The following FBXL17 variants were observed in gnomAD, a reference collection of about 807,000 sequenced individuals.
The protein encoded by FBXL17 is F-box and leucine rich repeat protein 17.
Under a neutral mutation model 66.2 loss-of-function variants are expected in FBXL17, and 22 were observed. The ratio of observed to expected loss-of-function variants is 0.33; its 90% CI spans 0.24 to 0.47. The LOEUF (loss-of-function observed/expected upper bound fraction) is 0.47. Ranked by LOEUF, FBXL17 falls within the 20% of genes least tolerant of loss-of-function variation. The probability of loss-of-function intolerance (pLI) is 1.00; values close to 1 mark genes in which losing one functional copy is unlikely to be tolerated. For missense variants in FBXL17, 878 were observed against 948.2 expected, an observed-to-expected ratio of 0.93 and a Z score of 0.97; for synonymous variants, 474 against 400.5, an observed-to-expected ratio of 1.18 and a Z score of -2.19.
intron 6 of FBXL17, among the ~76,000 whole-genome samples, chr5:108,041,619 T>C (rs1299486382): frequency 1.3e-5 from 2 of 152,028 alleles, no homozygotes; most frequent in African/African-American, 2.4e-5. Context: ...GGTCTCACTA[T>C]GTTGGCCAGG....
At chr5:108,295,983 C>T (rs1292585314) in intron 4 of FBXL17, among the ~76,000 whole-genome samples, 1 of 147,190 alleles carries the variant, frequency 6.8e-6, no homozygotes, top group Non-Finnish European at 1.5e-5. Context: ...AAAAAAAAAC[C>T]TTTCAGTGCT....
intron 4 of FBXL17, among the ~76,000 whole-genome samples, chr5:108,264,955 T>C (rs1455251502): frequency 7.2e-5 from 11 of 151,974 alleles, no homozygotes; most frequent in Admixed American, 7.2e-4. Flanking sequence ...TAAATTTTTA[T>C]TGGCATTGTC....
In FBXL17 at chr5:107,955,069, T is replaced by C. The variant is rs183954369; in HGVS notation, c.1822+65856A>G. On this transcript the variant is annotated intron_variant, in intron 7 of 8. Transcript: ENST00000542267. ...AACTTCAAGGAAAGAAAATGATCAG[T>C]TTTAATTATAAAACAATTTCTTAGA... is the stretch of plus-strand genomic sequence containing the variant. Among the ~76,000 whole-genome samples, 14 of 152,212 alleles carry C rather than the reference T, an allele frequency of 9.2e-5. No individual in the cohort carries two copies. The East Asian group carries it at 2.7e-3, about 29-fold the overall frequency.
At chr5:108,208,793 G>A (rs1754239519) in intron 5 of FBXL17, among the ~76,000 whole-genome samples, 1 of 152,124 alleles carries the variant, frequency 6.6e-6, no homozygotes, top group Non-Finnish European at 1.5e-5. Flanking sequence ...TGGCTATAAG[G>A]GCTCTTTTTT....
At position 108,219,099 on chromosome 5, in the gene FBXL17, T is replaced by C. The variant is rs187590683; in HGVS notation, c.1614+5022A>G. Among the ~76,000 whole-genome samples the C allele has an allele frequency of 2.8e-4, 43 of 152,352 alleles. No individual in the cohort carries two copies. The South Asian group carries it at 7.1e-3, about 25-fold the overall frequency. The stretch of plus-strand genomic sequence containing the variant: ...CTATATTCATGAAAGATAGTGATGT[T>C]CAATTTTCTTCACTTAGAGTGTCTT... On this transcript the variant is annotated intron_variant, in intron 5 of 8. Coordinates refer to ENST00000542267, the MANE Select transcript of FBXL17 (RefSeq NM_001163315.3).
intron 7 of FBXL17, among the ~76,000 whole-genome samples, chr5:107,935,336 G>C (rs1474038401): frequency 1.3e-5 from 2 of 151,632 alleles, no homozygotes; most frequent in Non-Finnish European, 2.9e-5. Flanking sequence ...ACACACCAAA[G>C]AAAACAAATG....
chr5:108,033,586 T>G (rs1024783652), intron 6 of FBXL17, among the ~76,000 whole-genome samples: 1 of 152,194 alleles, frequency 6.6e-6, no homozygotes, highest in Non-Finnish European at 1.5e-5. Flanking sequence ...ATCCATTTTC[T>G]TTTGTGAGTA....
intron 4 of FBXL17, among the ~76,000 whole-genome samples, chr5:108,313,388 C>T (rs955265385): frequency 6.6e-5 from 10 of 152,076 alleles, no homozygotes; most frequent in Admixed American, 6.6e-4. Context: ...AAAAAGCAGA[C>T]ACTTAAGGCC....
In FBXL17 at chr5:108,178,126, A is replaced by C. The variant is rs191284605; in HGVS notation, c.1745+7991T>G. 4.4e-4 allele frequency among the ~76,000 whole-genome samples: 67 copies of C among 152,030 alleles called. 1 individual carries two copies. The Middle Eastern group carries it at 0.014, about 31-fold the overall frequency. On this transcript the variant is annotated intron_variant, in intron 6 of 8. Transcript: ENST00000542267. ...CTGCAATCTCTGCCTCCCAGTCTCA[A>C]GCAATCTTCCCAGTCTCGAGCTATC...
At chr5:108,145,666 G>A (rs960842129) in intron 6 of FBXL17, among the ~76,000 whole-genome samples, 1 of 152,186 alleles carries the variant, frequency 6.6e-6, no homozygotes, top group African/African-American at 2.4e-5. Flanking sequence ...ATCAGATAGT[G>A]AGAATTATTC....
chr5:107,892,249 G>C (rs1749219630), intron 7 of FBXL17, among the ~76,000 whole-genome samples: 1 of 152,046 alleles, frequency 6.6e-6, no homozygotes, highest in African/African-American at 2.4e-5. Context: ...GGCTGTCTAT[G>C]TGTACATATT....
chr5:108,269,682 C>T (rs182564472), intron 4 of FBXL17, among the ~76,000 whole-genome samples: 139 of 152,040 alleles, frequency 9.1e-4, no homozygotes, highest in African/African-American at 3.3e-3. Flanking sequence ...ACCTTCCTTC[C>T]AACAATATAT....
intron 4 of FBXL17, among the ~76,000 whole-genome samples, chr5:108,289,601 A>T (rs1415994960): frequency 6.6e-6 from 1 of 152,144 alleles, no homozygotes; most frequent in Non-Finnish European, 1.5e-5. Flanking sequence ...TCTATGCTCA[A>T]AGAGCTTACT....
chr5:108,186,547 G>A (rs1753240749), intron 5 of FBXL17, among the ~76,000 whole-genome samples: 1 of 151,990 alleles, frequency 6.6e-6, no homozygotes, highest in South Asian at 2.1e-4. Flanking sequence ...TGAGGCGGGT[G>A]GATCACGAGG....
At chr5:108,052,603 C>A (rs1747528064) in intron 6 of FBXL17, among the ~76,000 whole-genome samples, 1 of 152,156 alleles carries the variant, frequency 6.6e-6, no homozygotes, top group South Asian at 2.1e-4. Flanking sequence ...GAATCAATAT[C>A]ATGAAGTGGC....
At chr5:108,342,817 C>A (rs1746979405) in intron 4 of FBXL17, among the ~76,000 whole-genome samples, 1 of 152,142 alleles carries the variant, frequency 6.6e-6, no homozygotes. Context: ...TAAAAGATAA[C>A]TTGTATCAAA....
At chr5:107,901,615 T>C (rs1199645166) in intron 7 of FBXL17, among the ~76,000 whole-genome samples, 1 of 152,154 alleles carries the variant, frequency 6.6e-6, no homozygotes, top group Non-Finnish European at 1.5e-5. Context: ...CACACAGAAA[T>C]ATACTTCTCC....
chr5:108,381,402 G>C lies in FBXL17; in HGVS notation c.290C>G (p.Ser97Cys). Residue 97 changes from serine to cysteine, a missense_variant, in exon 1 of 9, where the codon TCT becomes TGT. By Grantham distance (112) the Ser-to-Cys change is moderately radical (BLOSUM62 -1). Coordinates refer to ENST00000542267, the MANE Select transcript of FBXL17 (RefSeq NM_001163315.3). ...CGCGTAGCGCCGCGCCAGGTGCTGAGAGGAGGAGGCGGCAGCGTAGGCCCC... is the reference window on the plus strand; with the variant it reads ...CGCGTAGCGCCGCGCCAGGTGCTGACAGGAGGAGGCGGCAGCGTAGGCCCC... Reference protein sequence around the residue: ...RDGAYAAASSSQHLARRYAAL... With the variant: ...RDGAYAAASSCQHLARRYAAL... The C allele has an allele frequency of 7.5e-7, 1 of 1,327,600 alleles. No homozygotes were observed. Among genetic ancestry groups the C allele is most frequent in the South Asian group, 2.1e-5 (1 of 46,958 alleles). The allele number at this position is 1,327,600 out of a possible 1,614,324, so 82.2% of individuals were successfully genotyped here.
intron 4 of FBXL17, among the ~76,000 whole-genome samples, chr5:108,335,908 C>A (rs183598740): frequency 1.1e-3 from 162 of 151,542 alleles, no homozygotes; most frequent in African/African-American, 3.7e-3. Context: ...GATATTACTT[C>A]TAGAGGGGAA....
Sources: gnomAD v4.1 joint callset for allele counts (sites outside exome capture counted in the v4.1 genomes callset) on GRCh38, gnomAD v4.1.1 for gene constraint, MANE v1.5 for transcripts, NCBI Gene and HGNC (gene_info 2026-07-23, HGNC 2026-07-21) for gene names.